Variants in COL5A1 observed in about 807,000 individuals in gnomAD.
The protein encoded by COL5A1 is collagen alpha-1(V) chain.
COL5A1 carries 16 observed loss-of-function variants against 263.7 expected under a neutral mutation model. That is an observed-to-expected ratio of 0.06 (90% confidence interval 0.04 to 0.09). The LOEUF is 0.09. Among genes scored for constraint, COL5A1 ranks in the 10% least tolerant of loss-of-function variants. COL5A1 has a pLI of 1.00. For synonymous variants in COL5A1, 1,012 were observed against 1,004.5 expected, an observed-to-expected ratio of 1.01 and a Z score of -0.14; for missense variants, 2,036 against 2,540.5, an observed-to-expected ratio of 0.80 and a Z score of 4.27.
Position 134,805,269 on chromosome 9 carries a change from A to G in COL5A1, c.3258+55A>G, listed in dbSNP as rs983773647. The G allele has an allele frequency of 4.4e-6, 7 of 1,597,356 alleles. No homozygotes were observed. The African/African-American group carries it at 6.7e-5, about 15-fold the overall frequency. On this transcript the variant is annotated intron_variant, in intron 41 of 65. Transcript: ENST00000371817. The stretch of plus-strand genomic sequence containing the variant: ...TCTTGAATCCTACTCTCCAGGTCAG[A>G]AGGGGCAGTCCCCGAGAGCCCAGAG...
chr9:134,837,285 G>A (rs1229629582), intron 65 of COL5A1, among the ~76,000 whole-genome samples: 1 of 152,076 alleles, frequency 6.6e-6, no homozygotes, highest in African/African-American at 2.4e-5. Context: ...GAAACTAGCT[G>A]GCCCAGTGGG....
At chr9:134,648,376 C>T (rs2132467256) in intron 1 of COL5A1, among the ~76,000 whole-genome samples, 1 of 151,650 alleles carries the variant, frequency 6.6e-6, no homozygotes, top group East Asian at 1.9e-4. Context: ...CTGACTAATA[C>T]AGCTCTGCTC....
At chr9:134,796,732 T>C (rs969235859) in intron 35 of COL5A1, 116 bp from the exon 36 acceptor site, 8 of 992,954 alleles carry the variant, frequency 8.1e-6, no homozygotes, top group Non-Finnish European at 1.1e-5. Flanking sequence ...GGAAAGGCCA[T>C]GGGGGTGGGA....
rs187677951 is a variant in COL5A1 at position 134,783,947 on chromosome 9, C to T, written c.2485-1042C>T. Among the ~76,000 whole-genome samples the T allele has an allele frequency of 1.1e-4, 17 of 152,308 alleles. No individual in the cohort carries two copies. In the East Asian group the frequency reaches 2.9e-3, roughly 26 times the overall value. On this transcript the variant is annotated intron_variant, in intron 29 of 65. Transcript: ENST00000371817. ...GTTCACACATGTGGCGTCCACGTGA[C>T]GAGGGTGCAGCTTCAGAAGAGATGA...
At chr9:134,704,006 T>A (rs181517846) in intron 4 of COL5A1, among the ~76,000 whole-genome samples, 119 of 152,268 alleles carry the variant, frequency 7.8e-4, no homozygotes, top group Non-Finnish European at 1.4e-3. Flanking sequence ...ATTTCTAGTG[T>A]GTTCTGTTGT....
At position 134,758,081 on chromosome 9, in the gene COL5A1, G is replaced by A. The variant is rs2132698582; in HGVS notation, c.1882-162G>A. ...AAGAGGCTGAGATTGTAGATGCAAA[G>A]TGGGGGCCTATGGGGAGAGGGCTGG... On this transcript the variant is annotated intron_variant, in intron 17 of 65. Transcript: ENST00000371817. The surrounding 1 kb of genome is among the most constrained non-coding windows in gnomAD (Gnocchi z 4.1). 6.6e-6 allele frequency among the ~76,000 whole-genome samples: 1 copy of A among 152,314 alleles called. No homozygotes were observed. Among genetic ancestry groups the A allele is most frequent in the East Asian group, 1.9e-4 (1 of 5,172 alleles).
At chr9:134,688,633 CAG>C (rs1271676414) in intron 1 of COL5A1, among the ~76,000 whole-genome samples, 1 of 152,204 alleles carries the variant, frequency 6.6e-6, no homozygotes, top group Non-Finnish European at 1.5e-5. Flanking sequence ...CCCAGGAAAA[CAG>C]AGAGGCCATG....
chr9:134,804,524 C>T (rs184502576), intron 39 of COL5A1, among the ~76,000 whole-genome samples: 8 of 152,306 alleles, frequency 5.3e-5, no homozygotes, highest in African/African-American at 1.9e-4. Flanking sequence ...ATAGACGTGC[C>T]CTCAGCTCCC....
chr9:134,756,003 C>A (rs930622034), intron 16 of COL5A1, among the ~76,000 whole-genome samples: 4 of 152,138 alleles, frequency 2.6e-5, no homozygotes, highest in Non-Finnish European at 5.9e-5. Context: ...TGCAGGGTGG[C>A]AGCCCTCTGT....
At position 134,774,854 on chromosome 9, in the gene COL5A1, T is replaced by G. The variant is rs2132747878; in HGVS notation, c.2332-5T>G. ...GGCTAACGGTCTTTTTCTGTTTGGT[T>G]TTAGGGTCCACCTGGCCCCCAGGGT... On this transcript the variant is annotated splice_polypyrimidine_tract_variant and splice_region_variant and intron_variant, in intron 26 of 65. Coordinates refer to ENST00000371817, the MANE Select transcript of COL5A1 (RefSeq NM_000093.5). 2 of 1,613,588 alleles carry G rather than the reference T, an allele frequency of 1.2e-6. No individual in the cohort carries two copies. The highest frequency in any genetic ancestry group is 1.7e-6 in the Non-Finnish European group (2 of 1,179,812).
At chr9:134,760,108 TCA>T in intron 18 of COL5A1, among the ~76,000 whole-genome samples, 1 of 54,718 alleles carries the variant, frequency 1.8e-5, no homozygotes, top group African/African-American at 7.6e-5. Flanking sequence ...ACCCCCACAC[TCA>T]TACACGCCCA....
At position 134,700,040 on chromosome 9, in the gene COL5A1, G is replaced by A. The variant is rs145757313; in HGVS notation, c.409G>A (p.Val137Ile). ...TGGGCTGGAGCTGGGCCGCTCTCCC[G>A]TCTTCCTCTACGAGGACCACACGGG... is the stretch of plus-strand genomic sequence containing the variant. ...QIGLELGRSP[V>I]FLYEDHTGKP... Residue 137 changes from valine (V) to isoleucine (I), a missense_variant, in exon 3 of 66, where the codon GTC (valine) becomes ATC (isoleucine). Val to Ile is a conservative substitution (Grantham distance 29). Around this residue, in one of 3 missense-constraint regions of COL5A1, gnomAD observed 600 missense variants for 634.5 expected, o/e 0.95. Transcript: ENST00000371817. The surrounding 1 kb of genome is among the most constrained non-coding windows in gnomAD (Gnocchi z 4.0). 3.3e-5 allele frequency: 54 copies of A among 1,613,450 alleles called. No homozygotes were observed. The highest frequency in any genetic ancestry group is 2.7e-4 in the African/African-American group (20 of 75,062).
intron 32 of COL5A1, among the ~76,000 whole-genome samples, chr9:134,793,267 C>G (rs1402538958): frequency 1.3e-5 from 2 of 152,064 alleles, no homozygotes; most frequent in Admixed American, 1.3e-4. Flanking sequence ...AAGGTCCCCT[C>G]TCAAGCTGCG....
At chr9:134,695,723 C>A (rs1833436726) in intron 2 of COL5A1, among the ~76,000 whole-genome samples, 1 of 152,204 alleles carries the variant, frequency 6.6e-6, no homozygotes, top group African/African-American at 2.4e-5. Flanking sequence ...CTCTTCCTCA[C>A]TCTATCTTCG....
chr9:134,776,245 G>A (rs1221529249), intron 27 of COL5A1, among the ~76,000 whole-genome samples: 1 of 152,168 alleles, frequency 6.6e-6, no homozygotes, highest in South Asian at 2.1e-4. Flanking sequence ...TGATAATTTA[G>A]TAGAAATGCT....
At chr9:134,651,579 C>T (rs372643960) in intron 1 of COL5A1, among the ~76,000 whole-genome samples, 3 of 152,326 alleles carry the variant, frequency 2.0e-5, no homozygotes, top group Non-Finnish European at 2.9e-5. Context: ...GCTGTAGTTT[C>T]GTCTTTCTTC....
chr9:134,842,671 G>A lies in COL5A1; in HGVS notation c.*368G>A, dbSNP rs1379973410. ...GTTGGGGGAGGGACTGCCAGATTTG[G>A]ACACTATATTTTTTTCTAAATTCAA... On this transcript the variant is annotated 3_prime_UTR_variant, in exon 66 of 66. Transcript: ENST00000371817. This position sits in a 1 kb window ranked among gnomAD's most constrained non-coding sequence, Gnocchi z 5.8. The A allele has an allele frequency of 2.9e-6, 1 of 347,770 alleles. No homozygotes were observed. The highest frequency in any genetic ancestry group is 5.3e-6 in the Non-Finnish European group (1 of 187,264). 21.5% of individuals were successfully genotyped at this position (347,770 alleles called of 1,614,324 possible).
chr9:134,666,107 TA>T (rs1309956249), intron 1 of COL5A1, among the ~76,000 whole-genome samples: 3 of 151,700 alleles, frequency 2.0e-5, no homozygotes, highest in East Asian at 1.9e-4. Flanking sequence ...AAAATAAAAA[TA>T]AAAAAAGGAC....
At chr9:134,665,427 A>G (rs1832327370) in intron 1 of COL5A1, among the ~76,000 whole-genome samples, 1 of 152,254 alleles carries the variant, frequency 6.6e-6, no homozygotes, top group Non-Finnish European at 1.5e-5. Flanking sequence ...TATGTTAAGT[A>G]AAGCAAAGCA....
Sources: allele counts gnomAD v4.1 joint callset (sites outside exome capture counted in the v4.1 genomes callset), GRCh38; gene constraint gnomAD v4.1.1; regional missense constraint gnomAD v4.1.1; non-coding constraint Gnocchi (gnomAD v3.1); transcripts MANE v1.5; gene names NCBI Gene and HGNC (gene_info 2026-07-23, HGNC 2026-07-21).